NCOR1: variants seen among roughly 807,000 people sequenced by gnomAD.
The protein encoded by NCOR1 is protein phosphatase 1, regulatory subunit 109.
Under a neutral mutation model 288.1 loss-of-function variants are expected in NCOR1, and 63 were observed. That is an observed-to-expected ratio of 0.22 (90% CI 0.18 to 0.27). The LOEUF (loss-of-function observed/expected upper bound fraction) is 0.27. Among genes scored for constraint, NCOR1 ranks in the 10% least tolerant of loss-of-function variants. The probability of loss-of-function intolerance (pLI) is 1.00; values close to 1 mark genes in which losing one functional copy is unlikely to be tolerated. For synonymous variants in NCOR1, 1,007 were observed against 1,065.9 expected, an observed-to-expected ratio of 0.94 and a Z score of 1.08; for missense variants, 2,397 against 3,019.2, an observed-to-expected ratio of 0.79 and a Z score of 4.83.
intron 31 of NCOR1, among the ~76,000 whole-genome samples, chr17:16,068,668 T>C (rs2152704739): frequency 6.6e-6 from 1 of 151,866 alleles, no homozygotes; most frequent in South Asian, 2.1e-4. Context: ...GGTCAGATTG[T>C]CCCACCAATA....
intron 42 of NCOR1, among the ~76,000 whole-genome samples, chr17:16,041,808 C>T (rs761431189): frequency 7.9e-5 from 12 of 152,064 alleles, no homozygotes; most frequent in African/African-American, 1.9e-4. Context: ...GCGATCTTGG[C>T]TCACTGCAAG....
chr17:16,033,639 T>C (rs565034105), intron 45 of NCOR1, among the ~76,000 whole-genome samples: 1 of 116,860 alleles, frequency 8.6e-6, no homozygotes, highest in Admixed American at 8.4e-5. Context: ...ACTCTAAAAT[T>C]CGTAATATCC....
intron 5 of NCOR1, among the ~76,000 whole-genome samples, chr17:16,160,652 T>C (rs944496613): frequency 6.6e-6 from 1 of 152,094 alleles, no homozygotes; most frequent in African/African-American, 2.4e-5. Context: ...ATTAGCTCGG[T>C]GTAGTGGCGC....
At chr17:16,052,530 C>T (rs922528629) in intron 40 of NCOR1, among the ~76,000 whole-genome samples, 2 of 152,146 alleles carry the variant, frequency 1.3e-5, no homozygotes, top group African/African-American at 4.8e-5. Flanking sequence ...TGGTCACATA[C>T]ACCCTCCTAA....
chr17:16,097,664 G>A (rs372084904), intron 21 of NCOR1, among the ~76,000 whole-genome samples: 1 of 152,152 alleles, frequency 6.6e-6, no homozygotes, highest in African/African-American at 2.4e-5. Context: ...CCATTTGGCT[G>A]TTTCTGAGTT....
chr17:16,120,924 A>C (rs1055617031), intron 16 of NCOR1, 128 bp downstream of exon 16: 27 of 852,334 alleles, frequency 3.2e-5, no homozygotes, highest in Non-Finnish European at 4.4e-5. Context: ...AGTTTAAAAA[A>C]TTTAAAGACC....
At chr17:16,070,083 A>T (rs1288131104) in intron 31 of NCOR1, 82 bp downstream of exon 31, 4 of 1,477,790 alleles carry the variant, frequency 2.7e-6, no homozygotes, top group Non-Finnish European at 3.6e-6. Context: ...TGACAATTTG[A>T]TATTTACTAC....
intron 13 of NCOR1, 154 bp downstream of exon 13, chr17:16,138,004 T>C: frequency 1.8e-6 from 1 of 570,724 alleles, no homozygotes. Flanking sequence ...ATTTCTCTAA[T>C]AATTGTAATT....
intron 16 of NCOR1, 138 bp from the exon 17 acceptor site, chr17:16,119,623 G>A: frequency 3.9e-6 from 2 of 518,130 alleles, no homozygotes; most frequent in Non-Finnish European, 6.7e-6. Context: ...TGCAGAAATA[G>A]GATAGTAACC....
chr17:16,115,319 T>C (rs1178669130), intron 18 of NCOR1, among the ~76,000 whole-genome samples: 1 of 152,240 alleles, frequency 6.6e-6, no homozygotes, highest in African/African-American at 2.4e-5. Flanking sequence ...TAAAGACCTC[T>C]GACATGCTGT....
At chr17:16,126,730 C>T (rs1344432057) in intron 14 of NCOR1, among the ~76,000 whole-genome samples, 1 of 152,060 alleles carries the variant, frequency 6.6e-6, no homozygotes, top group Non-Finnish European at 1.5e-5. Context: ...AATACTAAAG[C>T]TATAATAAGG....
intron 3 of NCOR1, among the ~76,000 whole-genome samples, chr17:16,185,683 CAAAAAAAAA>C (rs58712974): frequency 9.0e-5 from 3 of 33,388 alleles, no homozygotes; most frequent in African/African-American, 2.4e-4. Flanking sequence ...GACTCTTTCT[CAAAAAAAAA>C]AAAAAAAAAA....
At chr17:16,162,466 G>GA (rs1232711738) in intron 5 of NCOR1, among the ~76,000 whole-genome samples, 2,441 of 128,076 alleles carry the variant, frequency 0.019, 56 homozygotes, top group African/African-American at 0.06. Flanking sequence ...GATTTAAAAG[G>GA]AAAAAAAAAA....
chr17:16,105,453 A>C (rs1364509315), intron 19 of NCOR1, among the ~76,000 whole-genome samples: 1 of 152,140 alleles, frequency 6.6e-6, no homozygotes, highest in African/African-American at 2.4e-5. Context: ...AAAAGAAGCA[A>C]GAGACTAATC....
chr17:16,128,719 A>C (rs2153222817), intron 14 of NCOR1, among the ~76,000 whole-genome samples: 1 of 152,308 alleles, frequency 6.6e-6, no homozygotes, highest in African/African-American at 2.4e-5. Context: ...GTAACTAATT[A>C]ATTTTAAGAA....
At chr17:16,079,210 T>C (rs769275257) in intron 26 of NCOR1, among the ~76,000 whole-genome samples, 1 of 152,220 alleles carries the variant, frequency 6.6e-6, no homozygotes, top group Non-Finnish European at 1.5e-5. Flanking sequence ...AAAATTTATA[T>C]GTGTAGCAAT....
intron 1 of NCOR1, among the ~76,000 whole-genome samples, chr17:16,204,345 G>A (rs926691965): frequency 1.3e-5 from 2 of 152,126 alleles, no homozygotes; most frequent in Admixed American, 1.3e-4. Flanking sequence ...ATAAATTCCA[G>A]ATGGATCAAA....
At chr17:16,058,163 T>A in intron 38 of NCOR1, 99 bp from the exon 39 acceptor site, 1 of 1,342,256 alleles carries the variant, frequency 7.5e-7, no homozygotes, top group Non-Finnish European at 1.0e-6. Context: ...TGAAAGGATG[T>A]GGTACATAGC....
intron 1 of NCOR1, among the ~76,000 whole-genome samples, chr17:16,204,259 G>A (rs2091224573): frequency 6.6e-6 from 1 of 152,178 alleles, no homozygotes; most frequent in African/African-American, 2.4e-5. Flanking sequence ...AAATGGTGCT[G>A]ACACAACTAG....
Sources: allele counts gnomAD v4.1 joint callset (sites outside exome capture counted in the v4.1 genomes callset), GRCh38; gene constraint gnomAD v4.1.1; transcripts MANE v1.5; gene names NCBI Gene and HGNC (gene_info 2026-07-23, HGNC 2026-07-21).